The following ANKRD22 variants were observed in gnomAD, a reference collection of about 807,000 sequenced individuals.
The protein encoded by ANKRD22 is ankyrin repeat domain-containing protein 22.
A neutral mutation model predicts 25.7 loss-of-function variants in ANKRD22; 24 were observed. That is an observed-to-expected ratio of 0.93 (90% confidence interval 0.68 to 1.31). The LOEUF (loss-of-function observed/expected upper bound fraction) is 1.31, where lower values mean the gene tolerates loss of function less well. Ranked by LOEUF, ANKRD22 falls within the 50% of genes most tolerant of loss-of-function variation. The pLI is 0.00. For synonymous variants in ANKRD22, 84 were observed against 84.3 expected (o/e 1.00, Z 0.02); for missense variants, 214 against 227.1 (o/e 0.94, Z 0.37).
At chr10:88,850,922 T>C (rs1035325362) in intron 1 of ANKRD22, among the ~76,000 whole-genome samples, 2 of 152,142 alleles carry the variant, frequency 1.3e-5, no homozygotes, top group African/African-American at 4.8e-5. Context: ...AAATTATGTA[T>C]AATGACATCA....
intron 1 of ANKRD22, among the ~76,000 whole-genome samples, chr10:88,839,093 T>C (rs1843981323): frequency 6.6e-6 from 1 of 152,164 alleles, no homozygotes; most frequent in South Asian, 2.1e-4. Flanking sequence ...TGTGGTGATT[T>C]CTGGGGCATT....
At position 88,820,458 on chromosome 10, in the gene ANKRD22, A is replaced by C. The variant is rs1450585532; in HGVS notation, c.*2483T>G. The C allele has an allele frequency of 6.4e-7, 1 of 1,551,720 alleles. No homozygotes were observed. The highest frequency in any genetic ancestry group is 2.0e-5 in the Admixed American group (1 of 50,978). ...GAAATCATCCATCTGATGCAGCAGG[A>C]GGAGACCAACCTTTCCCAGGGACGG... On this transcript the variant is annotated 3_prime_UTR_variant, in exon 6 of 6. Coordinates refer to ENST00000371930, the MANE Select transcript of ANKRD22 (RefSeq NM_144590.3).
At chr10:88,831,798 T>G (rs1469861031) in intron 2 of ANKRD22, 37 bp downstream of exon 2, 1 of 1,521,018 alleles carries the variant, frequency 6.6e-7, no homozygotes, top group Admixed American at 2.3e-5. Context: ...AGAATTATCA[T>G]GAACAATTAC....
At position 88,820,488 on chromosome 10, in the gene ANKRD22, A is replaced by T; in HGVS notation, c.*2453T>A. ...ACCAACCTTTCCCAGGGACGGTGTG[A>T]GGCCGTATTGTGAAGCATCTGACAC... On this transcript the variant is annotated 3_prime_UTR_variant, in exon 6 of 6. Transcript: ENST00000371930. The T allele has an allele frequency of 6.4e-7, 1 of 1,550,820 alleles. No individual in the cohort carries two copies. Among genetic ancestry groups the T allele is most frequent in the South Asian group, 1.2e-5 (1 of 84,014 alleles).
At position 88,826,116 on chromosome 10, in the gene ANKRD22, C is replaced by T. The variant is rs765375882; in HGVS notation, c.322-1G>A. On this transcript the variant is annotated splice_acceptor_variant, in intron 3 of 5. Transcript: ENST00000371930. LOFTEE classifies it high-confidence loss of function. ...CCTCATTCTGCTTTGTCTTTGATAC[C>T]TATTACAAATGGTAATTATAAGAAA... 3 of 1,604,170 alleles carry T rather than the reference C, an allele frequency of 1.9e-6. No homozygotes were observed. In the African/African-American group the frequency reaches 4.0e-5, roughly 22 times the overall value.
rs762109387 is a variant in ANKRD22, at chr10:88,851,573, G to A, written c.21+14C>T. 2 of 1,613,222 alleles carry A rather than the reference G, an allele frequency of 1.2e-6. No individual in the cohort carries two copies. The highest frequency in any genetic ancestry group is 4.5e-5 in the East Asian group (2 of 44,862). On this transcript the variant is annotated intron_variant, in intron 1 of 5. Transcript: ENST00000371930. The stretch of plus-strand genomic sequence containing the variant: ...TAACATCTTTGGAACTCTGCTTTCA[G>A]AAAGGTGATGTACCTCAGAGTATAG...
chr10:88,827,013 C>G (rs550201069), intron 3 of ANKRD22, among the ~76,000 whole-genome samples: 1 of 152,322 alleles, frequency 6.6e-6, no homozygotes, highest in East Asian at 1.9e-4. Flanking sequence ...ACTTTTCCTT[C>G]CCAGTCTCCT....
At position 88,821,603 on chromosome 10, in the gene ANKRD22, G is replaced by T. The variant is rs891119590; in HGVS notation, c.*1338C>A. 3.3e-5 allele frequency among the ~76,000 whole-genome samples: 5 copies of T among 151,960 alleles called. No homozygotes were observed. Among genetic ancestry groups the T allele is most frequent in the African/African-American group, 1.2e-4 (5 of 41,344 alleles). Reference sequence around the variant, plus strand: ...CTTAATTTATTAAGACACGTTTAAAGACTTCAGAATCTATATCTACACACT... The same window carrying T: ...CTTAATTTATTAAGACACGTTTAAATACTTCAGAATCTATATCTACACACT... On this transcript the variant is annotated 3_prime_UTR_variant, in exon 6 of 6. Coordinates refer to ENST00000371930, the MANE Select transcript of ANKRD22 (RefSeq NM_144590.3).
At chr10:88,826,202 T>C (rs1843854762) in intron 3 of ANKRD22, 87 bp from the exon 4 acceptor site, 5 of 1,151,828 alleles carry the variant, frequency 4.3e-6, no homozygotes, top group Non-Finnish European at 6.3e-6. Context: ...ATAGGCTTCA[T>C]TTTAATCCCA....
chr10:88,842,020 T>C lies in ANKRD22; in HGVS notation c.21+9567A>G, dbSNP rs190602719. ...AAGACTTTTCTACACTGTCTTATTC[T>C]TAACGTAGAAGACAGTTTGGCTGGG... On this transcript the variant is annotated intron_variant, in intron 1 of 5. Coordinates refer to ENST00000371930, the MANE Select transcript of ANKRD22 (RefSeq NM_144590.3). 2.4e-4 allele frequency among the ~76,000 whole-genome samples: 36 copies of C among 152,272 alleles called. No homozygotes were observed. In the East Asian group the frequency reaches 6.9e-3, roughly 29 times the overall value.
intron 1 of ANKRD22, among the ~76,000 whole-genome samples, chr10:88,850,355 A>T (rs1361617446): frequency 6.6e-6 from 1 of 152,050 alleles, no homozygotes; most frequent in Non-Finnish European, 1.5e-5. Flanking sequence ...GGTCCCACCC[A>T]GGTCTACAAA....
At position 88,826,063 on chromosome 10, in the gene ANKRD22, C is replaced by T. The variant is rs781153719; in HGVS notation, c.374G>A (p.Gly125Asp). Residue 125 changes from glycine (G) to aspartate (D), a missense_variant, in exon 4 of 6, where the codon GGC (glycine) becomes GAC (aspartate). Physicochemically the swap from Gly to Asp is moderately conservative, Grantham distance 94 (BLOSUM62 -1). Transcript: ENST00000371930. The part of the protein sequence containing the change: ...EALVRMLLDA[G>D]VEVNATDCYG... ...ACAATCTGTAGCATTAACTTCGACG[C>T]CAGCATCAAGTAGCATTCGTACAAG... 31 of 1,612,622 alleles carry T rather than the reference C, an allele frequency of 1.9e-5. No homozygotes were observed. Among genetic ancestry groups the T allele is most frequent in the Non-Finnish European group, 2.4e-5 (28 of 1,179,340 alleles).
At chr10:88,835,082 C>T (rs1325994457) in intron 1 of ANKRD22, among the ~76,000 whole-genome samples, 1 of 152,170 alleles carries the variant, frequency 6.6e-6, no homozygotes, top group East Asian at 1.9e-4. Context: ...TGGTTCTCTT[C>T]ACTCATCTAT....
chr10:88,821,201 G>A lies in ANKRD22; in HGVS notation c.*1740C>T, dbSNP rs1345907446. On this transcript the variant is annotated 3_prime_UTR_variant, in exon 6 of 6. Coordinates refer to ENST00000371930, the MANE Select transcript of ANKRD22 (RefSeq NM_144590.3). ...ACAGCTTGTTGCTAGGAGACCTAAT[G>A]ACTAAAAATTTCTGGCTCAATTTTC... 6.6e-6 allele frequency among the ~76,000 whole-genome samples: 1 copy of A among 152,200 alleles called. No homozygotes were observed. The highest frequency in any genetic ancestry group is 2.4e-5 in the African/African-American group (1 of 41,440).
chr10:88,834,709 T>C (rs571018660), intron 1 of ANKRD22, among the ~76,000 whole-genome samples: 140 of 152,216 alleles, frequency 9.2e-4, no homozygotes, highest in African/African-American at 3.4e-3. Context: ...CCGAGGTGGG[T>C]GGATCACCTG....
intron 3 of ANKRD22, 130 bp downstream of exon 3, chr10:88,828,429 A>T: frequency 1.4e-6 from 1 of 730,456 alleles, no homozygotes; most frequent in Non-Finnish European, 2.3e-6. Flanking sequence ...GAACATGTCA[A>T]TTACAGAATA....
intron 1 of ANKRD22, among the ~76,000 whole-genome samples, chr10:88,851,062 A>G (rs1232699685): frequency 6.6e-6 from 1 of 152,184 alleles, no homozygotes; most frequent in Non-Finnish European, 1.5e-5. Flanking sequence ...TCAGATGTGA[A>G]AAGAAAATAA....
At chr10:88,823,989 T>C (rs1843830125) in intron 4 of ANKRD22, among the ~76,000 whole-genome samples, 1 of 152,258 alleles carries the variant, frequency 6.6e-6, no homozygotes, top group Non-Finnish European at 1.5e-5. Flanking sequence ...TGTCGCATGC[T>C]ATATGCCTCG....
intron 1 of ANKRD22, among the ~76,000 whole-genome samples, chr10:88,843,457 G>A (rs1179743901): frequency 6.6e-6 from 1 of 152,134 alleles, no homozygotes; most frequent in Non-Finnish European, 1.5e-5. Context: ...TTGCAGAAAT[G>A]CTTGCTTGAT....
Sources: gnomAD v4.1 joint callset for allele counts (sites outside exome capture counted in the v4.1 genomes callset) on GRCh38, gnomAD v4.1.1 for gene constraint, MANE v1.5 for transcripts, NCBI Gene and HGNC (gene_info 2026-07-23, HGNC 2026-07-21) for gene names.